The following FOXJ3 variants were observed in gnomAD, a reference collection of about 807,000 sequenced individuals.
FOXJ3 encodes the protein forkhead box protein J3.
FOXJ3 carries 22 observed loss-of-function variants against 76.1 expected under a neutral mutation model. The ratio of observed to expected loss-of-function variants is 0.29; its 90% CI spans 0.21 to 0.41. FOXJ3 has a LOEUF of 0.41. Ranked by LOEUF, FOXJ3 falls within the 10% of genes least tolerant of loss-of-function variation. FOXJ3 has a pLI of 1.00. For missense variants in FOXJ3, 613 were observed against 762.1 expected, an observed-to-expected ratio of 0.80 and a Z score of 2.30; for synonymous variants, 269 against 261.2, an observed-to-expected ratio of 1.03 and a Z score of -0.29.
At chr1:42,247,029 T>C (rs1228482840) in intron 4 of FOXJ3, among the ~76,000 whole-genome samples, 4 of 152,150 alleles carry the variant, frequency 2.6e-5, no homozygotes, top group African/African-American at 9.7e-5. Flanking sequence ...GGGAAGAGTG[T>C]AGCAGTGCTG....
intron 1 of FOXJ3, among the ~76,000 whole-genome samples, chr1:42,324,685 G>A (rs547699356): frequency 6.6e-6 from 1 of 152,254 alleles, no homozygotes; most frequent in East Asian, 1.9e-4. Context: ...TTACTGCACT[G>A]AATATGGTAG....
At chr1:42,234,166 T>C (rs1557660130) in intron 4 of FOXJ3, among the ~76,000 whole-genome samples, 1 of 152,206 alleles carries the variant, frequency 6.6e-6, no homozygotes, top group East Asian at 1.9e-4. Context: ...CCATCACTGA[T>C]ACCCTTTCTT....
chr1:42,232,140 T>G (rs993437524), intron 4 of FOXJ3, among the ~76,000 whole-genome samples: 1 of 152,328 alleles, frequency 6.6e-6, no homozygotes, highest in African/African-American at 2.4e-5. Context: ...ATCATTTTTA[T>G]GGCTGCATAG....
At chr1:42,207,620 T>C (rs906338331) in intron 5 of FOXJ3, among the ~76,000 whole-genome samples, 1 of 152,216 alleles carries the variant, frequency 6.6e-6, no homozygotes, top group African/African-American at 2.4e-5. Flanking sequence ...CCACACATGA[T>C]CCTAATTGTA....
chr1:42,192,365 G>A (rs565136816), intron 8 of FOXJ3, among the ~76,000 whole-genome samples: 4 of 152,292 alleles, frequency 2.6e-5, no homozygotes, highest in Non-Finnish European at 5.9e-5. Flanking sequence ...AATGTACTAC[G>A]TGCCTGTGAG....
chr1:42,186,929 C>A (rs1388891803), intron 11 of FOXJ3, among the ~76,000 whole-genome samples: 1 of 151,768 alleles, frequency 6.6e-6, no homozygotes, highest in Non-Finnish European at 1.5e-5. Flanking sequence ...CTCACTACAA[C>A]CTCCGCCTCC....
At chr1:42,271,913 G>T (rs1359627459) in intron 3 of FOXJ3, among the ~76,000 whole-genome samples, 1 of 152,122 alleles carries the variant, frequency 6.6e-6, no homozygotes, top group Non-Finnish European at 1.5e-5. Flanking sequence ...CAAAGTGCTG[G>T]GATTATAGGC....
At chr1:42,234,779 C>CT (rs1459295881) in intron 4 of FOXJ3, among the ~76,000 whole-genome samples, 1 of 152,116 alleles carries the variant, frequency 6.6e-6, no homozygotes, top group Non-Finnish European at 1.5e-5. Flanking sequence ...AGAGGAGTAC[C>CT]TGGCCGTGTG....
At chr1:42,331,542 A>G (rs1025217959) in intron 1 of FOXJ3, among the ~76,000 whole-genome samples, 2 of 152,188 alleles carry the variant, frequency 1.3e-5, no homozygotes, top group African/African-American at 2.4e-5. Context: ...AACATATGCA[A>G]GTGAAAGAAG....
upstream of FOXJ3, chr1:42,335,457 C>G (rs2124805663): frequency 6.6e-6 from 1 of 152,618 alleles, no homozygotes; most frequent in South Asian, 2.1e-4. Context: ...GACTTGGGGT[C>G]CTTGTGCCTC....
Position 42,299,231 on chromosome 1 carries a change from T to C in FOXJ3, c.44+11819A>G, listed in dbSNP as rs1298611778. On this transcript the variant is annotated intron_variant, in intron 2 of 12. Coordinates refer to ENST00000361346, the MANE Select transcript of FOXJ3 (RefSeq NM_014947.5). ...GAGGTGTTGATGTTCTCCACTATTA[T>C]TGTATTGCTATCAATCTGTTTGCTT... Among the ~76,000 whole-genome samples, 4 of 152,214 alleles carry C rather than the reference T, an allele frequency of 2.6e-5. No individual in the cohort carries two copies. In the East Asian group the frequency reaches 5.8e-4, roughly 22 times the overall value.
chr1:42,234,289 T>G (rs1648399074), intron 4 of FOXJ3, among the ~76,000 whole-genome samples: 1 of 152,190 alleles, frequency 6.6e-6, no homozygotes, highest in Non-Finnish European at 1.5e-5. Context: ...TTATTCTAGT[T>G]AGCCATTTGT....
chr1:42,202,039 T>C (rs1347145647), intron 6 of FOXJ3, among the ~76,000 whole-genome samples: 2 of 152,222 alleles, frequency 1.3e-5, no homozygotes, highest in Non-Finnish European at 2.9e-5. Context: ...GTAGAATCCA[T>C]ATAGCTCCTT....
At position 42,192,953 on chromosome 1, in the gene FOXJ3, A is replaced by C. The variant is rs777572307; in HGVS notation, c.935-1234T>G. On this transcript the variant is annotated intron_variant, in intron 8 of 12. Coordinates refer to ENST00000361346, the MANE Select transcript of FOXJ3 (RefSeq NM_014947.5). ...TGCCTTGGTCCTAGAAAATAGTCAC[A>C]TATAAGGAATCTATAGGGTTATTAC... Among the ~76,000 whole-genome samples the C allele has an allele frequency of 1.9e-3, 282 of 152,326 alleles. 1 individual carries two copies. The highest frequency in any genetic ancestry group is 3.4e-3 in the Middle Eastern group (1 of 294).
rs183872842 is a variant in FOXJ3, at chr1:42,317,717, G to A, written c.-17-6607C>T. 8.5e-5 allele frequency among the ~76,000 whole-genome samples: 13 copies of A among 152,070 alleles called. No homozygotes were observed. In the East Asian group the frequency reaches 2.5e-3, roughly 29 times the overall value. ...AAGGCAAAAATTAGCATGGATAGGG[G>A]TTAAGAATCAGGAGTGAAAGAAAAA... On this transcript the variant is annotated intron_variant, in intron 1 of 12. Coordinates refer to ENST00000361346, the MANE Select transcript of FOXJ3 (RefSeq NM_014947.5).
intron 1 of FOXJ3, among the ~76,000 whole-genome samples, chr1:42,325,870 A>G (rs889319133): frequency 2.6e-5 from 4 of 152,228 alleles, no homozygotes; most frequent in Non-Finnish European, 4.4e-5. Flanking sequence ...AACTTGACCC[A>G]TAAGATAATC....
In FOXJ3 at chr1:42,288,043, A is replaced by G. The variant is rs1284920584; in HGVS notation, c.45-9371T>C. ...TATATGGTCAAAGATATTTTATGCT[A>G]TAATTCTCATCTTCAAAATATTTCA... On this transcript the variant is annotated intron_variant, in intron 2 of 12. Coordinates refer to ENST00000361346, the MANE Select transcript of FOXJ3 (RefSeq NM_014947.5). Among the ~76,000 whole-genome samples, 4 of 152,198 alleles carry G rather than the reference A, an allele frequency of 2.6e-5. No homozygotes were observed. The South Asian group carries it at 8.3e-4, about 32-fold the overall frequency.
At chr1:42,300,236 T>C (rs1295012118) in intron 2 of FOXJ3, among the ~76,000 whole-genome samples, 1 of 151,912 alleles carries the variant, frequency 6.6e-6, no homozygotes, top group Non-Finnish European at 1.5e-5. Context: ...ATATGTGAGG[T>C]TTTGTTCCTG....
rs1047601424 is a variant in FOXJ3 at position 42,335,152 on chromosome 1, G to C, written c.-111C>G. ...GAAAGGTCCCAACGGTGCCTACTGC[G>C]AGCGGTCGAGGCCCCGAGCAGCCCC... is the stretch of plus-strand genomic sequence containing the variant. On this transcript the variant is annotated 5_prime_UTR_variant, in exon 1 of 13. Coordinates refer to ENST00000361346, the MANE Select transcript of FOXJ3 (RefSeq NM_014947.5). The C allele has an allele frequency of 6.6e-6, 1 of 152,206 alleles. No homozygotes were observed. The highest frequency in any genetic ancestry group is 1.5e-5 in the Non-Finnish European group (1 of 68,100). The allele number at this position is 152,206 out of a possible 1,614,324, so 9.4% of individuals were successfully genotyped here.
Sources: gnomAD v4.1 joint callset for allele counts (sites outside exome capture counted in the v4.1 genomes callset) on GRCh38, gnomAD v4.1.1 for gene constraint, MANE v1.5 for transcripts, NCBI Gene and HGNC (gene_info 2026-07-23, HGNC 2026-07-21) for gene names.